The following POU3F1 variants were observed in gnomAD, a reference collection of about 807,000 sequenced individuals.
POU3F1 encodes the protein POU class 3 homeobox 1.
In POU3F1, 1 loss-of-function variant was observed where a neutral mutation model predicts 7.6. The ratio of observed to expected loss-of-function variants is 0.13; its 90% CI spans 0.05 to 0.62. POU3F1 has a LOEUF of 0.62. Among genes scored for constraint, POU3F1 ranks in the 20% least tolerant of loss-of-function variants. The probability of loss-of-function intolerance (pLI) is 0.87; values close to 1 mark genes in which losing one functional copy is unlikely to be tolerated. For missense variants in POU3F1, 505 were observed against 679.3 expected, an observed-to-expected ratio of 0.74 and a Z score of 2.85; for synonymous variants, 354 against 339.0, an observed-to-expected ratio of 1.04 and a Z score of -0.49.
rs780424618 is a variant in POU3F1, at chr1:38,045,709, G to A, written c.1035C>T (p.Ser345=). The A allele has an allele frequency of 1.2e-6, 2 of 1,613,390 alleles. No individual in the cohort carries two copies. The highest frequency in any genetic ancestry group is 1.1e-5 in the South Asian group (1 of 90,988). Residue 345 remains serine (S), a synonymous_variant, in exon 1 of 1, where the codon TCC becomes TCT. Transcript: ENST00000373012. The surrounding 1 kb of genome is among the most constrained non-coding windows in gnomAD (Gnocchi z 9.4). ...AQGRKRKKRT[S]IEVGVKGALE... is the part of the protein sequence containing the mutation. ...GCGCGCCTTTGACCCCCACCTCGATGGACGTGCGCTTCTTGCGCTTGCGGC... is the reference window on the plus strand; with the variant it reads ...GCGCGCCTTTGACCCCCACCTCGATAGACGTGCGCTTCTTGCGCTTGCGGC...
Position 38,046,477 on chromosome 1 carries a change from G to C in POU3F1, c.267C>G (p.His89Gln). ...CGCCGCCTGCCTTGCCGTGTTCTAG[G>C]TGCGGGCCGCCGGCCCAATCGCCGC... ...GGGGDWAGGP[H>Q]LEHGKAGGGG... The change falls in exon 1 of 1, where the codon CAC becomes CAG. Residue 89 changes from histidine to glutamine, a missense_variant. By Grantham distance (24) the His-to-Gln change is conservative (BLOSUM62 0). Around this residue, in one of 5 missense-constraint regions of POU3F1, gnomAD observed 361 missense variants for 382.1 expected, o/e 0.94. Transcript: ENST00000373012. This position sits in a 1 kb window ranked among gnomAD's most constrained non-coding sequence, Gnocchi z 9.5. The C allele has an allele frequency of 7.3e-7, 1 of 1,370,582 alleles. No homozygotes were observed. The highest frequency in any genetic ancestry group is 9.4e-7 in the Non-Finnish European group (1 of 1,060,874). 84.9% of individuals were successfully genotyped at this position (1,370,582 alleles called of 1,614,324 possible). A position where few individuals can be genotyped will look rare whatever the true frequency, so the allele number is the denominator to read the frequency against.
chr1:38,045,748 C>G lies in POU3F1; in HGVS notation c.996G>C (p.Lys332Asn). 6.2e-7 allele frequency: 1 copy of G among 1,613,622 alleles called. No individual in the cohort carries two copies. The highest frequency in any genetic ancestry group is 8.5e-7 in the Non-Finnish European group (1 of 1,179,860). Reference sequence around the variant, plus strand: ...TGCGCTTGCGGCCCTGCGCCGCGATCTTGTCCAGGTTGGTGGGGCTGCCGC... The same window carrying G: ...TGCGCTTGCGGCCCTGCGCCGCGATGTTGTCCAGGTTGGTGGGGCTGCCGC... ...SSSGSPTNLD[K>N]IAAQGRKRKK... The change falls in exon 1 of 1, where the codon AAG (lysine) becomes AAC (asparagine). Residue 332 changes from lysine (K) to asparagine (N), a missense_variant. Physicochemically the swap from Lys to Asn is moderately conservative, Grantham distance 94. This residue lies in a region of POU3F1 where 22 missense variants were observed against 23.0 expected (regional missense o/e 0.96). Coordinates refer to ENST00000373012, the MANE Select transcript of POU3F1 (RefSeq NM_002699.4). This position sits in a 1 kb window ranked among gnomAD's most constrained non-coding sequence, Gnocchi z 9.4.
chr1:38,045,832 C>T lies in POU3F1; in HGVS notation c.912G>A (p.Lys304=). Residue 304 remains lysine, a synonymous_variant, in exon 1 of 1, where the codon AAG becomes AAA. Coordinates refer to ENST00000373012, the MANE Select transcript of POU3F1 (RefSeq NM_002699.4). This position sits in a 1 kb window ranked among gnomAD's most constrained non-coding sequence, Gnocchi z 9.4. ...CRFEALQLSF[K]NMCKLKPLLN... is the part of the protein sequence containing the mutation. ...GCAGCGGCTTGAGCTTGCACATGTT[C>T]TTGAAGCTCAGCTGCAGGGCCTCGA... The T allele has an allele frequency of 6.2e-7, 1 of 1,614,044 alleles. No individual in the cohort carries two copies. The highest frequency in any genetic ancestry group is 8.5e-7 in the Non-Finnish European group (1 of 1,179,992).
chr1:38,046,593 T>C lies in POU3F1; in HGVS notation c.151A>G (p.Lys51Glu). The change falls in exon 1 of 1, where the codon AAG becomes GAG. Residue 51 changes from lysine to glutamate, a missense_variant. Lys to Glu is a moderately conservative substitution (Grantham distance 56). Coordinates refer to ENST00000373012, the MANE Select transcript of POU3F1 (RefSeq NM_002699.4). This position sits in a 1 kb window ranked among gnomAD's most constrained non-coding sequence, Gnocchi z 9.5. ...CCCAGCCACTCGTGGTGCATCAGCT[T>C]CTGCACTTCGCGGTACGCGGCCCCT... ...HAGAAYREVQ[K>E]LMHHEWLGAG... 7.2e-7 allele frequency: 1 copy of C among 1,380,878 alleles called. No homozygotes were observed. The highest frequency in any genetic ancestry group is 1.5e-5 in the South Asian group (1 of 67,302). The allele number at this position is 1,380,878 out of a possible 1,614,324, so 85.5% of individuals were successfully genotyped here.
Position 38,046,507 on chromosome 1 carries a change from G to T in POU3F1, c.237C>A (p.Gly79=). The T allele has an allele frequency of 3.6e-6, 5 of 1,382,676 alleles. No individual in the cohort carries two copies. The highest frequency in any genetic ancestry group is 1.5e-5 in the South Asian group (1 of 64,586). 85.7% of individuals were successfully genotyped at this position (1,382,676 alleles called of 1,614,324 possible). Residue 79 remains glycine, a synonymous_variant, in exon 1 of 1, where the codon GGC becomes GGA. Coordinates refer to ENST00000373012, the MANE Select transcript of POU3F1 (RefSeq NM_002699.4). The surrounding 1 kb of genome is among the most constrained non-coding windows in gnomAD (Gnocchi z 9.5). ...GGCCGCCGGCCCAATCGCCGCCGCC[G>T]CCTCCTCCCGTGGGTAGCCACTGGG... ...AHPQWLPTGG[G]GGGDWAGGPH...
chr1:38,046,565 G>T lies in POU3F1; in HGVS notation c.179C>A (p.Ala60Glu). Residue 60 changes from alanine (A) to glutamate (E), a missense_variant, in exon 1 of 1, where the codon GCG becomes GAG. Transcript: ENST00000373012. The surrounding 1 kb of genome is among the most constrained non-coding windows in gnomAD (Gnocchi z 9.5). ...TAGGCCCACGGGGTGGCCCGCGCCC[G>T]CGCCCAGCCACTCGTGGTGCATCAG... ...QKLMHHEWLG[A>E]GAGHPVGLAH... is the part of the protein sequence containing the mutation. The T allele has an allele frequency of 1.5e-6, 2 of 1,374,206 alleles. No homozygotes were observed. Among genetic ancestry groups the T allele is most frequent in the Non-Finnish European group, 1.9e-6 (2 of 1,060,186 alleles). The allele number at this position is 1,374,206 out of a possible 1,614,324, so 85.1% of individuals were successfully genotyped here.
chr1:38,045,456 G>A lies in POU3F1; in HGVS notation c.1288C>T (p.Pro430Ser), dbSNP rs2148746378. 2 of 1,451,782 alleles carry A rather than the reference G, an allele frequency of 1.4e-6. No homozygotes were observed. Among genetic ancestry groups the A allele is most frequent in the Non-Finnish European group, 1.8e-6 (2 of 1,110,272 alleles). The allele number at this position is 1,451,782 out of a possible 1,614,324, so 89.9% of individuals were successfully genotyped here. The change falls in exon 1 of 1, where the codon CCC (proline) becomes TCC (serine). Residue 430 changes from proline (P) to serine (S), a missense_variant. Coordinates refer to ENST00000373012, the MANE Select transcript of POU3F1 (RefSeq NM_002699.4). The surrounding 1 kb of genome is among the most constrained non-coding windows in gnomAD (Gnocchi z 9.4). ...GGGGASPPSA[P>S]PPPPPAALHH... ...AGCGCCGCCGGCGGGGGCGGTGGGG[G>A]CGCGGAGGGTGGCGATGCGCCGCCC...
At position 38,046,139 on chromosome 1, in the gene POU3F1, G is replaced by C; in HGVS notation, c.605C>G (p.Pro202Arg). ...GGCGCCCAGATGCGGCGGCGGCGAC[G>C]GCTCCAGCTGCGCCTCGTGGCCATC... The part of the protein sequence containing the change: ...HEDGHEAQLE[P>R]SPPPHLGAHG... Residue 202 changes from proline (P) to arginine (R), a missense_variant, in exon 1 of 1, where the codon CCG (proline) becomes CGG (arginine). Physicochemically the swap from Pro to Arg is moderately radical, Grantham distance 103. This residue lies in a region of POU3F1 where 361 missense variants were observed against 382.1 expected (regional missense o/e 0.94). Transcript: ENST00000373012. This position sits in a 1 kb window ranked among gnomAD's most constrained non-coding sequence, Gnocchi z 9.5. 7.1e-7 allele frequency: 1 copy of C among 1,405,094 alleles called. No homozygotes were observed. The highest frequency in any genetic ancestry group is 9.3e-7 in the Non-Finnish European group (1 of 1,080,284). The allele number at this position is 1,405,094 out of a possible 1,614,324, so 87.0% of individuals were successfully genotyped here. A position where few individuals can be genotyped will look rare whatever the true frequency, so the allele number is the denominator to read the frequency against.
chr1:38,045,557 C>T lies in POU3F1; in HGVS notation c.1187G>A (p.Arg396His), dbSNP rs758789079. The stretch of plus-strand genomic sequence containing the variant: ...GCCCGCGCCGGCCGCAGGGGTCATG[C>T]GCTTCTCCTTCTGCCGCCGGTTGCA... ...WFCNRRQKEK[R>H]MTPAAGAGHP... Residue 396 changes from arginine to histidine, a missense_variant, in exon 1 of 1, where the codon CGC becomes CAC. This residue lies in a region of POU3F1 where 72 missense variants were observed against 93.7 expected (regional missense o/e 0.77). Transcript: ENST00000373012. The surrounding 1 kb of genome is among the most constrained non-coding windows in gnomAD (Gnocchi z 9.4). 1 of 1,607,210 alleles carries T rather than the reference C, an allele frequency of 6.2e-7. No homozygotes were observed.
In POU3F1 at chr1:38,045,140, G is replaced by T; in HGVS notation, c.*248C>A. 1 of 158,768 alleles carries T rather than the reference G, an allele frequency of 6.3e-6. No homozygotes were observed. Among genetic ancestry groups the T allele is most frequent in the Non-Finnish European group, 1.4e-5 (1 of 72,290 alleles). 9.8% of individuals were successfully genotyped at this position (158,768 alleles called of 1,614,324 possible). On this transcript the variant is annotated 3_prime_UTR_variant, in exon 1 of 1. Transcript: ENST00000373012. This position sits in a 1 kb window ranked among gnomAD's most constrained non-coding sequence, Gnocchi z 9.4. ...GCAGAGAGCAGGCGGCGGGCAGGAT[G>T]CCCGGGGTGAGTTGGCGAGTTCCGG...
chr1:38,043,925 A>C lies in POU3F1; in HGVS notation c.*1463T>G, dbSNP rs1646843696. Among the ~76,000 whole-genome samples, 1 of 152,194 alleles carries C rather than the reference A, an allele frequency of 6.6e-6. No individual in the cohort carries two copies. The highest frequency in any genetic ancestry group is 2.4e-5 in the African/African-American group (1 of 41,452). On this transcript the variant is annotated 3_prime_UTR_variant, in exon 1 of 1. Transcript: ENST00000373012. This position sits in a 1 kb window ranked among gnomAD's most constrained non-coding sequence, Gnocchi z 4.5. ...ATTATTTTTTTTTCAATAAAGATAC[A>C]AAGAGAATGCACCGAAACATTGTTT... is the stretch of plus-strand genomic sequence containing the variant.
In POU3F1 at chr1:38,043,848, A is replaced by C. The variant is rs1646843422; in HGVS notation, c.*1540T>G. 6.6e-6 allele frequency among the ~76,000 whole-genome samples: 1 copy of C among 152,186 alleles called. No homozygotes were observed. Among genetic ancestry groups the C allele is most frequent in the Non-Finnish European group, 1.5e-5 (1 of 68,026 alleles). ...CAGCCCTGGGGTACATGTTTATGTG[A>C]GTAATAAAATATTTACTATAACATA... On this transcript the variant is annotated 3_prime_UTR_variant, in exon 1 of 1. Transcript: ENST00000373012. The surrounding 1 kb of genome is among the most constrained non-coding windows in gnomAD (Gnocchi z 4.5).
chr1:38,045,561 TCTC>T lies in POU3F1; in HGVS notation c.1180_1182del (p.Glu394del). ...GCGCCGGCCGCAGGGGTCATGCGCT[TCTC>T]CTTCTGCCGCCGGTTGCAGAACCAG... On this transcript the variant is annotated inframe_deletion, in exon 1 of 1. Coordinates refer to ENST00000373012, the MANE Select transcript of POU3F1 (RefSeq NM_002699.4). The surrounding 1 kb of genome is among the most constrained non-coding windows in gnomAD (Gnocchi z 9.4). The T allele has an allele frequency of 6.2e-7, 1 of 1,609,234 alleles. No homozygotes were observed. The highest frequency in any genetic ancestry group is 8.5e-7 in the Non-Finnish European group (1 of 1,178,072).
chr1:38,045,745 G>T lies in POU3F1; in HGVS notation c.999C>A (p.Ile333=). The change falls in exon 1 of 1, where the codon ATC becomes ATA. Residue 333 remains isoleucine (I), a synonymous_variant. Transcript: ENST00000373012. This position sits in a 1 kb window ranked among gnomAD's most constrained non-coding sequence, Gnocchi z 9.4. ...SSGSPTNLDK[I]AAQGRKRKKR... is the part of the protein sequence containing the mutation. ...TCTTGCGCTTGCGGCCCTGCGCCGC[G>T]ATCTTGTCCAGGTTGGTGGGGCTGC... is the stretch of plus-strand genomic sequence containing the variant. The T allele has an allele frequency of 6.2e-7, 1 of 1,613,248 alleles. No individual in the cohort carries two copies. The highest frequency in any genetic ancestry group is 8.5e-7 in the Non-Finnish European group (1 of 1,179,742).
rs1250292404 is a variant in POU3F1 at position 38,046,037 on chromosome 1, C to CCGCCCG, written c.701_706dup (p.Ala234_Gly235dup). The CCGCCCG allele has an allele frequency of 3.2e-6, 5 of 1,559,958 alleles. No homozygotes were observed. The highest frequency in any genetic ancestry group is 4.3e-6 in the Non-Finnish European group (5 of 1,157,632). On this transcript the variant is annotated inframe_insertion, in exon 1 of 1. Coordinates refer to ENST00000373012, the MANE Select transcript of POU3F1 (RefSeq NM_002699.4). The surrounding 1 kb of genome is among the most constrained non-coding windows in gnomAD (Gnocchi z 9.5). ...GTGCTCGCCCACCGATGAGCCGCCG[C>CCGCCCG]CGCCCGCGCCCGGGTGCAGGTGCGC...
Position 38,045,363 on chromosome 1 carries a change from G to T in POU3F1, c.*25C>A. The T allele has an allele frequency of 8.9e-7, 1 of 1,125,718 alleles. No individual in the cohort carries two copies. The allele number at this position is 1,125,718 out of a possible 1,614,324, so 69.7% of individuals were successfully genotyped here. ...GCTGCGCGCCCGCGCCCTGCAGCGC[G>T]CCGGCGGGGGCCCGGCCCGCGGGGT... On this transcript the variant is annotated 3_prime_UTR_variant, in exon 1 of 1. Transcript: ENST00000373012. This position sits in a 1 kb window ranked among gnomAD's most constrained non-coding sequence, Gnocchi z 9.4.
rs1188959565 is a variant in POU3F1, at chr1:38,046,387, C to T, written c.357G>A (p.Gln119=). The change falls in exon 1 of 1, where the codon CAG becomes CAA. Residue 119 remains glutamine (Q), a synonymous_variant. Transcript: ENST00000373012. The surrounding 1 kb of genome is among the most constrained non-coding windows in gnomAD (Gnocchi z 9.5). ...ATGCCGCGCCCGCGTGGGCCGCCCC[C>T]TGGTGCACCAGGCGCGCGTGGAAAC... ...GGGFHARLVH[Q]GAAHAGAAWA... 3 of 1,241,888 alleles carry T rather than the reference C, an allele frequency of 2.4e-6. No individual in the cohort carries two copies. Among genetic ancestry groups the T allele is most frequent in the Non-Finnish European group, 3.0e-6 (3 of 997,692 alleles). The allele number at this position is 1,241,888 out of a possible 1,614,324, so 76.9% of individuals were successfully genotyped here.
chr1:38,045,380 C>T lies in POU3F1; in HGVS notation c.*8G>A. The T allele has an allele frequency of 8.3e-7, 1 of 1,199,906 alleles. No homozygotes were observed. Among genetic ancestry groups the T allele is most frequent in the Non-Finnish European group, 1.0e-6 (1 of 965,454 alleles). 74.3% of individuals were successfully genotyped at this position (1,199,906 alleles called of 1,614,324 possible). ...TGCAGCGCGCCGGCGGGGGCCCGGC[C>T]CGCGGGGTCACTGCACTGAGCCGGG... On this transcript the variant is annotated 3_prime_UTR_variant, in exon 1 of 1. Transcript: ENST00000373012. This position sits in a 1 kb window ranked among gnomAD's most constrained non-coding sequence, Gnocchi z 9.4.
In POU3F1 at chr1:38,044,650, A is replaced by G. The variant is rs186256033; in HGVS notation, c.*738T>C. On this transcript the variant is annotated 3_prime_UTR_variant, in exon 1 of 1. Transcript: ENST00000373012. ...GGGGGAGGGTAGGGTAGGGAAATAT[A>G]AGGGGAAAAATAAATTAGGCTAGAT... The G allele has an allele frequency of 5.9e-3, 877 of 148,324 alleles. 7 individuals carry two copies. The highest frequency in any genetic ancestry group is 8.6e-3 in the Non-Finnish European group (576 of 67,252). The allele number at this position is 148,324 out of a possible 1,614,324, so 9.2% of individuals were successfully genotyped here. A position where few individuals can be genotyped will look rare whatever the true frequency, so the allele number is the denominator to read the frequency against.
Sources: gnomAD v4.1 joint callset for allele counts (sites outside exome capture counted in the v4.1 genomes callset) on GRCh38, gnomAD v4.1.1 for gene constraint, gnomAD v4.1.1 regional missense constraint, Gnocchi (gnomAD v3.1) non-coding constraint, MANE v1.5 for transcripts, NCBI Gene and HGNC (gene_info 2026-07-23, HGNC 2026-07-21) for gene names.